PPFIA2: variants seen among roughly 807,000 people sequenced by gnomAD.
PPFIA2 encodes the protein liprin-alpha-2.
In PPFIA2, 46 loss-of-function variants were observed where a neutral mutation model predicts 175.5. The ratio of observed to expected loss-of-function variants is 0.26; its 90% confidence interval spans 0.21 to 0.34. The LOEUF (loss-of-function observed/expected upper bound fraction) is 0.34. Among genes scored for constraint, PPFIA2 ranks in the 10% least tolerant of loss-of-function variants. The pLI is 1.00. For synonymous variants in PPFIA2, 568 were observed against 511.4 expected (o/e 1.11, Z -1.49); for missense variants, 1,179 against 1,506.1 (o/e 0.78, Z 3.60).
intron 4 of PPFIA2, among the ~76,000 whole-genome samples, chr12:81,581,565 T>C (rs1224440093): frequency 6.6e-6 from 1 of 151,830 alleles, no homozygotes; most frequent in East Asian, 1.9e-4. Context: ...CCTTAGCTTT[T>C]ATCACTGCCC....
chr12:81,260,291 AT>A (rs1439902831), intron 32 of PPFIA2: 1 of 152,212 alleles, frequency 6.6e-6, no homozygotes, highest in African/African-American at 2.4e-5. Flanking sequence ...GAATACTGTT[AT>A]CCCAATTAAT....
At chr12:81,386,316 T>G (rs1339709031) in intron 8 of PPFIA2, among the ~76,000 whole-genome samples, 7 of 135,826 alleles carry the variant, frequency 5.2e-5, no homozygotes, top group Non-Finnish European at 1.1e-4. Flanking sequence ...AATAAATAAA[T>G]AAATAAGAAA....
chr12:81,597,884 A>T, intron 4 of PPFIA2: 1 of 1,438,956 alleles, frequency 6.9e-7, no homozygotes, highest in East Asian at 2.5e-5. Context: ...TCCTTTATAT[A>T]GCACTTTGTT....
intron 24 of PPFIA2, among the ~76,000 whole-genome samples, chr12:81,285,888 T>C (rs2043211231): frequency 6.6e-6 from 1 of 152,048 alleles, no homozygotes; most frequent in Non-Finnish European, 1.5e-5. Flanking sequence ...TAGCCCCAAG[T>C]AGGTTCCTTG....
chr12:81,292,659 A>G (rs2045354496), intron 24 of PPFIA2: 1 of 152,166 alleles, frequency 6.6e-6, no homozygotes, highest in Non-Finnish European at 1.5e-5. Context: ...TTGTGTTATC[A>G]GTAAGGCTTC....
intron 4 of PPFIA2, among the ~76,000 whole-genome samples, chr12:81,530,180 G>A (rs1335918216): frequency 1.3e-5 from 2 of 151,960 alleles, no homozygotes; most frequent in Non-Finnish European, 2.9e-5. Flanking sequence ...AAGAGCAGAG[G>A]TGGGTAGCTG....
intron 4 of PPFIA2, among the ~76,000 whole-genome samples, chr12:81,633,924 A>AGG (rs1837213406): frequency 6.6e-6 from 1 of 151,902 alleles, no homozygotes; most frequent in Admixed American, 6.5e-5. Context: ...TGAGAAGACC[A>AGG]GGTACTTAAA....
intron 4 of PPFIA2, among the ~76,000 whole-genome samples, chr12:81,653,447 T>C (rs934663122): frequency 1.3e-4 from 20 of 152,086 alleles, no homozygotes; most frequent in African/African-American, 4.6e-4. Flanking sequence ...TAGATTTGTT[T>C]CCTTCTAAAA....
intron 7 of PPFIA2, chr12:81,431,034 T>C (rs1466208987): frequency 6.6e-6 from 1 of 152,134 alleles, no homozygotes; most frequent in African/African-American, 2.4e-5. Flanking sequence ...GTAAATTCAG[T>C]GGTTGGAATA....
chr12:81,349,597 G>C (rs2059664950), intron 17 of PPFIA2, among the ~76,000 whole-genome samples: 1 of 151,262 alleles, frequency 6.6e-6, no homozygotes, highest in Non-Finnish European at 1.5e-5. Flanking sequence ...AAGACATTTT[G>C]TACTTTTAAA....
intron 4 of PPFIA2, among the ~76,000 whole-genome samples, chr12:81,495,868 T>C (rs1005172822): frequency 6.6e-6 from 1 of 152,190 alleles, no homozygotes; most frequent in African/African-American, 2.4e-5. Flanking sequence ...TTTAAAATGT[T>C]CTTTTGTGTT....
At chr12:81,320,250 C>G (rs905548812) in intron 22 of PPFIA2, among the ~76,000 whole-genome samples, 2 of 151,910 alleles carry the variant, frequency 1.3e-5, no homozygotes, top group Admixed American at 6.6e-5. Context: ...CTGAAGGAGA[C>G]CCTCAGGATT....
intron 4 of PPFIA2, chr12:81,465,457 G>A (rs1051229273): frequency 2.0e-5 from 3 of 152,098 alleles, no homozygotes; most frequent in African/African-American, 4.8e-5. Context: ...ATGCTGATTT[G>A]ACCATCTAGC....
In PPFIA2 at chr12:81,562,825, C is replaced by G. The variant is rs539211162; in HGVS notation, c.304-104959G>C. 1.4e-3 allele frequency among the ~76,000 whole-genome samples: 144 copies of G among 104,170 alleles called. 3 individuals carry two copies. The South Asian group carries it at 0.047, about 34-fold the overall frequency. The allele number at this position is 104,170 out of a possible 152,430, so 68.3% of individuals were successfully genotyped here. A position where few individuals can be genotyped will look rare whatever the true frequency, so the allele number is the denominator to read the frequency against. On this transcript the variant is annotated intron_variant, in intron 4 of 32. Coordinates refer to ENST00000549396, the MANE Select transcript of PPFIA2 (RefSeq NM_003625.5). ...TCCCGCCACTGCACTCCAGCCTGGG[C>G]GACAGAGCGAGACTCTGTCTCAAAA...
At chr12:81,630,551 T>C (rs1275649643) in intron 4 of PPFIA2, among the ~76,000 whole-genome samples, 1 of 152,212 alleles carries the variant, frequency 6.6e-6, no homozygotes, top group East Asian at 1.9e-4. Flanking sequence ...TCACACTTTC[T>C]TATTATCATT....
chr12:81,691,082 T>C (rs1436789228), intron 3 of PPFIA2, among the ~76,000 whole-genome samples: 1 of 152,120 alleles, frequency 6.6e-6, no homozygotes, highest in Non-Finnish European at 1.5e-5. Flanking sequence ...TCCTGGGATA[T>C]AAGATGCAGA....
intron 4 of PPFIA2, among the ~76,000 whole-genome samples, chr12:81,586,033 A>T (rs2075264531): frequency 6.6e-6 from 1 of 151,956 alleles, no homozygotes; most frequent in African/African-American, 2.4e-5. Context: ...GTAATCTTAT[A>T]GGACCACCAT....
intron 24 of PPFIA2, among the ~76,000 whole-genome samples, chr12:81,293,399 T>G (rs1594093388): frequency 6.6e-6 from 1 of 152,080 alleles, no homozygotes; most frequent in East Asian, 1.9e-4. Context: ...ACAAACAGAC[T>G]TTGAAAGAAA....
At chr12:81,690,780 G>T (rs906122277) in intron 3 of PPFIA2, among the ~76,000 whole-genome samples, 3 of 152,064 alleles carry the variant, frequency 2.0e-5, no homozygotes, top group Non-Finnish European at 4.4e-5. Context: ...CAGGGGCTAT[G>T]TTCCTTCTGC....
Sources: gnomAD v4.1 joint callset for allele counts (sites outside exome capture counted in the v4.1 genomes callset) on GRCh38, gnomAD v4.1.1 for gene constraint, MANE v1.5 for transcripts, NCBI Gene and HGNC (gene_info 2026-07-23, HGNC 2026-07-21) for gene names.